Variants in STK17A observed in about 807,000 individuals in gnomAD.
The protein encoded by STK17A is serine/threonine-protein kinase 17A.
Under a neutral mutation model 43.7 loss-of-function variants are expected in STK17A, and 26 were observed. The observed-to-expected ratio is 0.60, with a 90% CI of 0.44 to 0.83. STK17A has a LOEUF of 0.83. STK17A is among the 40% of genes least tolerant of loss of function. The pLI is 0.00. For missense variants in STK17A, 476 were observed against 511.6 expected (o/e 0.93, Z 0.67); for synonymous variants, 191 against 182.5 (o/e 1.05, Z -0.38).
At position 43,595,931 on chromosome 7, in the gene STK17A, AAAG is replaced by A; in HGVS notation, c.240_242del (p.Lys81del). On this transcript the variant is annotated inframe_deletion, in exon 2 of 7. Transcript: ENST00000319357. ...AATTTGCAGTGGTGAGAAAATGTAT[AAAG>A]AAAGATTCTGGGAAAGAATTTGCTG... is the stretch of plus-strand genomic sequence containing the variant. The A allele has an allele frequency of 6.2e-7, 1 of 1,613,872 alleles. No homozygotes were observed. Among genetic ancestry groups the A allele is most frequent in the Non-Finnish European group, 8.5e-7 (1 of 1,179,902 alleles).
At chr7:43,584,572 G>A (rs1416213493) in intron 1 of STK17A, among the ~76,000 whole-genome samples, 1 of 152,326 alleles carries the variant, frequency 6.6e-6, no homozygotes, top group African/African-American at 2.4e-5. Context: ...ACAGCCTTCA[G>A]CTGGGGTCTT....
chr7:43,624,309 T>C (rs984127025), intron 6 of STK17A, among the ~76,000 whole-genome samples: 3 of 152,178 alleles, frequency 2.0e-5, no homozygotes, highest in South Asian at 4.1e-4. Context: ...ATAACTTACT[T>C]AAAATATTTC....
chr7:43,593,967 ACAAT>A (rs979219764), intron 1 of STK17A, among the ~76,000 whole-genome samples: 1 of 152,224 alleles, frequency 6.6e-6, no homozygotes, highest in African/African-American at 2.4e-5. Context: ...AAGTTTTTTA[ACAAT>A]CAATCTTAGG....
intron 3 of STK17A, among the ~76,000 whole-genome samples, chr7:43,613,915 CAT>C (rs1361662074): frequency 6.6e-6 from 1 of 152,056 alleles, no homozygotes; most frequent in Non-Finnish European, 1.5e-5. Context: ...TGGGACTTTC[CAT>C]ATGAGATTTA....
chr7:43,618,296 A>C (rs746831589), intron 3 of STK17A, among the ~76,000 whole-genome samples: 7 of 152,174 alleles, frequency 4.6e-5, no homozygotes, highest in Non-Finnish European at 8.8e-5. Flanking sequence ...CCCATCATGC[A>C]TGGAATGAGG....
chr7:43,606,977 G>A (rs1315054967), intron 2 of STK17A, among the ~76,000 whole-genome samples: 1 of 133,682 alleles, frequency 7.5e-6, no homozygotes, highest in Non-Finnish European at 1.5e-5. Context: ...AGGCTGGAGT[G>A]CAATGGTGTG....
rs183313117 is a variant in STK17A, at chr7:43,607,473, C to T, written c.420-783C>T. Among the ~76,000 whole-genome samples, 4 of 151,746 alleles carry T rather than the reference C, an allele frequency of 2.6e-5. No individual in the cohort carries two copies. In the East Asian group the frequency reaches 7.8e-4, roughly 30 times the overall value. On this transcript the variant is annotated intron_variant, in intron 2 of 6. Transcript: ENST00000319357. ...GATCATCCTGGCCAACCTGGTGAAA[C>T]CCCGTCTCTACTAAAATACAAAAAA...
At chr7:43,606,916 C>CTTTTTTTTTTTTTTTTTTTTTTTTT (rs71011933) in intron 2 of STK17A, among the ~76,000 whole-genome samples, 5 of 62,638 alleles carry the variant, frequency 8.0e-5, no homozygotes, top group African/African-American at 2.5e-4. Flanking sequence ...TTTCGATTTT[C>CTTTTTTTTTTTTTTTTTTTTTTTTT]TTTTTTTTTT....
At position 43,624,612 on chromosome 7, in the gene STK17A, G is replaced by A. The variant is rs2084286114; in HGVS notation, c.1015G>A (p.Glu339Lys). ...PSFRMEKALEEANALQEGHSV... is the reference protein window; with the variant it reads ...PSFRMEKALEKANALQEGHSV... ...TTTCAGGATGGAAAAGGCACTAGAAGAAGCAAATGCCCTCCAAGAAGGTCA... is the reference window on the plus strand; with the variant it reads ...TTTCAGGATGGAAAAGGCACTAGAAAAAGCAAATGCCCTCCAAGAAGGTCA... The change falls in exon 7 of 7, where the codon GAA becomes AAA. Residue 339 changes from glutamate (E) to lysine (K), a missense_variant. Glu to Lys is a moderately conservative substitution (Grantham distance 56). Around this residue, in one of 3 missense-constraint regions of STK17A, gnomAD observed 110 missense variants for 103.7 expected, o/e 1.06. Transcript: ENST00000319357. 1.9e-6 allele frequency: 3 copies of A among 1,614,094 alleles called. No homozygotes were observed. The East Asian group carries it at 6.7e-5, about 36-fold the overall frequency.
chr7:43,594,704 ATTATTC>A (rs923511145), intron 1 of STK17A, among the ~76,000 whole-genome samples: 9 of 152,088 alleles, frequency 5.9e-5, no homozygotes, highest in African/African-American at 2.2e-4. Context: ...ATTGAAATAT[ATTATTC>A]TTTAATTCTT....
intron 1 of STK17A, among the ~76,000 whole-genome samples, chr7:43,588,134 C>T (rs776507265): frequency 2.6e-5 from 4 of 151,416 alleles, no homozygotes; most frequent in Non-Finnish European, 4.4e-5. Context: ...AATAGCTCAC[C>T]TCCAGAACTC....
rs1017273652 is a variant in STK17A, at chr7:43,583,410, A to G, written c.167A>G (p.Gln56Arg). The G allele has an allele frequency of 1.4e-6, 2 of 1,433,450 alleles. No homozygotes were observed. The highest frequency in any genetic ancestry group is 3.0e-5 in the African/African-American group (2 of 66,734). The allele number at this position is 1,433,450 out of a possible 1,614,324, so 88.8% of individuals were successfully genotyped here. A position where few individuals can be genotyped will look rare whatever the true frequency, so the allele number is the denominator to read the frequency against. The part of the protein sequence containing the change: ...IRAVVRTEPF[Q>R]DGYSLCPGRE... Reference sequence around the variant, plus strand: ...GCCGTGGTGCGCACCGAGCCCTTCCAGGACGGCTACAGCCTGTGCCCGGGC... The same window carrying G: ...GCCGTGGTGCGCACCGAGCCCTTCCGGGACGGCTACAGCCTGTGCCCGGGC... The change falls in exon 1 of 7, where the codon CAG (glutamine) becomes CGG (arginine). Residue 56 changes from glutamine to arginine, a missense_variant. Physicochemically the swap from Gln to Arg is conservative, Grantham distance 43. Transcript: ENST00000319357.
At chr7:43,611,514 C>G (rs1274471222) in intron 3 of STK17A, among the ~76,000 whole-genome samples, 1 of 151,956 alleles carries the variant, frequency 6.6e-6, no homozygotes, top group African/African-American at 2.4e-5. Flanking sequence ...CTAGTTAAAA[C>G]CTTTCATAGC....
chr7:43,626,587 G>GTCTCAGT lies in STK17A; in HGVS notation c.*1746_*1747insCTCAGTT, dbSNP rs1458427550. 7 of 152,158 alleles carry GTCTCAGT rather than the reference G, an allele frequency of 4.6e-5. No individual in the cohort carries two copies. The highest frequency in any genetic ancestry group is 1.7e-4 in the African/African-American group (7 of 41,428). 9.4% of individuals were successfully genotyped at this position (152,158 alleles called of 1,614,324 possible). On this transcript the variant is annotated 3_prime_UTR_variant, in exon 7 of 7. Coordinates refer to ENST00000319357, the MANE Select transcript of STK17A (RefSeq NM_004760.3). ...CCATGGCCACAGTTTTGAGTCTCAG[G>GTCTCAGT]TAAGTCTTGGAAGAAGTTAAACACA...
Position 43,583,286 on chromosome 7 carries a change from G to T in STK17A, c.43G>T (p.Gly15Cys). 6.5e-7 allele frequency: 1 copy of T among 1,543,260 alleles called. No individual in the cohort carries two copies. Among genetic ancestry groups the T allele is most frequent in the South Asian group, 1.2e-5 (1 of 84,400 alleles). Residue 15 changes from glycine (G) to cysteine (C), a missense_variant, in exon 1 of 7, where the codon GGC (glycine) becomes TGC (cysteine). Transcript: ENST00000319357. The part of the protein sequence containing the change: ...EKPGSGGSSP[G>C]ATSGSGRAGR... ...GCCAGGCAGCGGCGGCTCCTCCCCA[G>T]GCGCCACCTCAGGCTCGGGCCGGGC...
chr7:43,583,156 G>A lies in STK17A; in HGVS notation c.-88G>A, dbSNP rs578182864. The A allele has an allele frequency of 3.3e-4, 467 of 1,416,592 alleles. 6 individuals are homozygous for A. In the South Asian group the frequency reaches 3.9e-3, roughly 12 times the overall value. 87.8% of individuals were successfully genotyped at this position (1,416,592 alleles called of 1,614,324 possible). A position where few individuals can be genotyped will look rare whatever the true frequency, so the allele number is the denominator to read the frequency against. The stretch of plus-strand genomic sequence containing the variant: ...AGAGCGGGTGTTTGAAGGCTCCGCG[G>A]ACCGGCACTAGGAGCCGGGGGCGGG... On this transcript the variant is annotated 5_prime_UTR_variant, in exon 1 of 7. Transcript: ENST00000319357.
intron 2 of STK17A, among the ~76,000 whole-genome samples, chr7:43,605,264 A>G (rs1371745911): frequency 6.6e-6 from 1 of 152,144 alleles, no homozygotes; most frequent in Non-Finnish European, 1.5e-5. Flanking sequence ...TGCAGGGTTG[A>G]GTAGATTTTA....
chr7:43,626,766 TAATA>T lies in STK17A; in HGVS notation c.*1929_*1932del, dbSNP rs1296624195. Reference sequence around the variant, plus strand: ...CTTTTTAAAAACCATTTTATACTCGTAATAAATATATTTAATATAATTGCTGTAT... The same window carrying T: ...CTTTTTAAAAACCATTTTATACTCGTAATATATTTAATATAATTGCTGTAT... On this transcript the variant is annotated 3_prime_UTR_variant, in exon 7 of 7. Transcript: ENST00000319357. 6.6e-6 allele frequency: 1 copy of T among 152,250 alleles called. No homozygotes were observed. The highest frequency in any genetic ancestry group is 1.5e-5 in the Non-Finnish European group (1 of 68,046). The allele number at this position is 152,250 out of a possible 1,614,324, so 9.4% of individuals were successfully genotyped here.
rs2084536444 is a variant in STK17A at position 43,626,321 on chromosome 7, C to G, written c.*1479C>G. Reference sequence around the variant, plus strand: ...TAAATACCCAAATGTGTGTAAATGTCATAGACATATACAAAGTCAGTAATC... The same window carrying G: ...TAAATACCCAAATGTGTGTAAATGTGATAGACATATACAAAGTCAGTAATC... On this transcript the variant is annotated 3_prime_UTR_variant, in exon 7 of 7. Transcript: ENST00000319357. The G allele has an allele frequency of 6.6e-6, 1 of 152,166 alleles. No individual in the cohort carries two copies. The highest frequency in any genetic ancestry group is 1.5e-5 in the Non-Finnish European group (1 of 68,022). 9.4% of individuals were successfully genotyped at this position (152,166 alleles called of 1,614,324 possible). A position where few individuals can be genotyped will look rare whatever the true frequency, so the allele number is the denominator to read the frequency against.
Sources: gnomAD v4.1 joint callset for allele counts (sites outside exome capture counted in the v4.1 genomes callset) on GRCh38, gnomAD v4.1.1 for gene constraint, gnomAD v4.1.1 regional missense constraint, MANE v1.5 for transcripts, NCBI Gene and HGNC (gene_info 2026-07-23, HGNC 2026-07-21) for gene names.